CEP128: variants seen among roughly 807,000 people sequenced by gnomAD.
CEP128 encodes centrosomal protein 128kDa.
CEP128 carries 132 observed loss-of-function variants against 156.7 expected under a neutral mutation model. That is an observed-to-expected ratio of 0.84 (90% CI 0.73 to 0.97). CEP128 has a LOEUF of 0.97. Among genes scored for constraint, CEP128 ranks in the 50% least tolerant of loss-of-function variants. CEP128 has a pLI of 0.00. For missense variants in CEP128, 1,252 were observed against 1,281.9 expected, an observed-to-expected ratio of 0.98 and a Z score of 0.36; for synonymous variants, 469 against 448.9, an observed-to-expected ratio of 1.04 and a Z score of -0.57.
chr14:80,649,518 C>T (rs1451490132), intron 19 of CEP128, among the ~76,000 whole-genome samples: 1 of 152,080 alleles, frequency 6.6e-6, no homozygotes, highest in East Asian at 1.9e-4. Flanking sequence ...CATTAAGAAA[C>T]ATGATGCCAG....
chr14:80,805,114 G>A (rs770180480), intron 13 of CEP128, among the ~76,000 whole-genome samples: 4 of 151,740 alleles, frequency 2.6e-5, no homozygotes, highest in Non-Finnish European at 5.9e-5. Flanking sequence ...ACTCTCTTGA[G>A]GTTTTGGGAT....
At chr14:80,631,642 C>T (rs768681091) in intron 19 of CEP128, among the ~76,000 whole-genome samples, 4 of 151,954 alleles carry the variant, frequency 2.6e-5, no homozygotes, top group Non-Finnish European at 4.4e-5. Flanking sequence ...CCGACAAAGC[C>T]TGAAGCAATT....
intron 9 of CEP128, among the ~76,000 whole-genome samples, chr14:80,855,310 A>C (rs1887092697): frequency 6.6e-6 from 1 of 152,164 alleles, no homozygotes; most frequent in African/African-American, 2.4e-5. Flanking sequence ...TGTCCTAAGA[A>C]TAAGAAAAAT....
chr14:80,769,200 G>A (rs1324315412), intron 16 of CEP128, among the ~76,000 whole-genome samples: 4 of 150,286 alleles, frequency 2.7e-5, no homozygotes, highest in South Asian at 2.1e-4. Flanking sequence ...TGTTTATAAG[G>A]TTACAGTGTC....
At chr14:80,920,508 ATAAT>A (rs1375723992) in intron 2 of CEP128, among the ~76,000 whole-genome samples, 1 of 152,238 alleles carries the variant, frequency 6.6e-6, no homozygotes, top group Admixed American at 6.5e-5. Context: ...ATTTTATACT[ATAAT>A]TAAAAATTAA....
At position 80,895,702 on chromosome 14, in the gene CEP128, A is replaced by T. The variant is rs776617886; in HGVS notation, c.645+16T>A. On this transcript the variant is annotated intron_variant, in intron 8 of 24. Coordinates refer to ENST00000555265, the MANE Select transcript of CEP128 (RefSeq NM_152446.5). ...TACATGTGAAATAAAACTTTTTATT[A>T]AAAAAGAGATCTCACCACTTCTTGT... 4 of 1,517,350 alleles carry T rather than the reference A, an allele frequency of 2.6e-6. No individual in the cohort carries two copies. The South Asian group carries it at 3.8e-5, about 15-fold the overall frequency. 94.0% of individuals were successfully genotyped at this position (1,517,350 alleles called of 1,614,324 possible). A position where few individuals can be genotyped will look rare whatever the true frequency, so the allele number is the denominator to read the frequency against.
intron 24 of CEP128, among the ~76,000 whole-genome samples, chr14:80,503,273 T>A (rs1226160710): frequency 6.6e-6 from 1 of 152,244 alleles, no homozygotes; most frequent in African/African-American, 2.4e-5. Context: ...TATATTTTCC[T>A]ATTTAACTTT....
intron 14 of CEP128, among the ~76,000 whole-genome samples, chr14:80,482,708 C>T (rs1218927891): frequency 1.3e-5 from 2 of 152,132 alleles, no homozygotes; most frequent in Non-Finnish European, 2.9e-5. Context: ...ACTTTATGAC[C>T]TAAACTTCAA....
chr14:80,568,556 C>G (rs1891012755), intron 20 of CEP128, among the ~76,000 whole-genome samples: 1 of 152,212 alleles, frequency 6.6e-6, no homozygotes, highest in South Asian at 2.1e-4. Flanking sequence ...GCATTCTACA[C>G]TAGAGGGGCT....
intron 19 of CEP128, among the ~76,000 whole-genome samples, chr14:80,724,862 C>T (rs1897952388): frequency 6.6e-6 from 1 of 151,152 alleles, no homozygotes; most frequent in African/African-American, 2.4e-5. Flanking sequence ...ACTCTAGCCT[C>T]CTTGCCTTGT....
At chr14:80,778,230 A>G (rs1900906354) in intron 15 of CEP128, among the ~76,000 whole-genome samples, 184 bp from the exon 16 acceptor site, 2 of 152,230 alleles carry the variant, frequency 1.3e-5, no homozygotes, top group South Asian at 4.1e-4. Flanking sequence ...GCTCATCAGT[A>G]TTTACCAAGC....
chr14:80,793,541 T>G (rs1485615481), intron 13 of CEP128, among the ~76,000 whole-genome samples: 2 of 152,100 alleles, frequency 1.3e-5, no homozygotes, highest in East Asian at 3.9e-4. Flanking sequence ...AAAACAGAAT[T>G]ATAATAAAAA....
intron 19 of CEP128, among the ~76,000 whole-genome samples, chr14:80,601,990 C>T (rs922647348): frequency 5.3e-5 from 8 of 151,806 alleles, no homozygotes; most frequent in Non-Finnish European, 8.8e-5. Flanking sequence ...AGTTTAGATT[C>T]GAAGACAAAA....
At chr14:80,520,264 C>G (rs1594941703) in intron 23 of CEP128, among the ~76,000 whole-genome samples, 1 of 151,856 alleles carries the variant, frequency 6.6e-6, no homozygotes, top group East Asian at 1.9e-4. Context: ...ACTAAAAATA[C>G]AAAAATTAGC....
chr14:80,654,630 C>T (rs1428511784), intron 19 of CEP128, among the ~76,000 whole-genome samples: 1 of 152,140 alleles, frequency 6.6e-6, no homozygotes, highest in East Asian at 1.9e-4. Context: ...ACCTAACTGC[C>T]AAGTGCAATG....
At chr14:80,877,774 C>T (rs1888352640) in intron 8 of CEP128, among the ~76,000 whole-genome samples, 1 of 152,102 alleles carries the variant, frequency 6.6e-6, no homozygotes, top group African/African-American at 2.4e-5. Context: ...CTATATCCTC[C>T]CCTTAAGACC....
chr14:80,924,399 T>A (rs1734807546), intron 2 of CEP128, among the ~76,000 whole-genome samples: 1 of 152,186 alleles, frequency 6.6e-6, no homozygotes, highest in Non-Finnish European at 1.5e-5. Context: ...ATACTTAAAT[T>A]GATTTTTCAT....
At chr14:80,494,790 TAG>T (rs1887436587), downstream of CEP128, among the ~76,000 whole-genome samples, 7 of 152,200 alleles carry the variant, frequency 4.6e-5, no homozygotes, top group African/African-American at 1.7e-4. Flanking sequence ...TATTAAGCTA[TAG>T]ATTTTAGCTC....
At chr14:80,489,476 G>A (rs902315659), downstream of CEP128, among the ~76,000 whole-genome samples, 1 of 44,408 alleles carries the variant, frequency 2.3e-5, no homozygotes, top group African/African-American at 4.8e-5. Flanking sequence ...TTTTCCTGAT[G>A]AGGAGATTAA....
Sources: allele counts gnomAD v4.1 joint callset (sites outside exome capture counted in the v4.1 genomes callset), GRCh38; gene constraint gnomAD v4.1.1; transcripts MANE v1.5; gene names NCBI Gene and HGNC (gene_info 2026-07-23, HGNC 2026-07-21).